Variants in CSMD1 observed in about 807,000 individuals in gnomAD.
CSMD1 encodes the protein CUB and Sushi multiple domains 1.
CSMD1 carries 213 observed loss-of-function variants against 417.5 expected under a neutral mutation model. The ratio of observed to expected loss-of-function variants is 0.51; its 90% confidence interval spans 0.46 to 0.57. The LOEUF is 0.57. Among genes scored for constraint, CSMD1 ranks in the 20% least tolerant of loss-of-function variants. The pLI is 0.00. For synonymous variants in CSMD1, 2,862 were observed against 1,736.8 expected (o/e 1.65, Z -16.11); for missense variants, 6,923 against 4,529.7 (o/e 1.53, Z -15.17).
chr8:4,248,146 T>C lies in CSMD1; in HGVS notation c.415+171807A>G, dbSNP rs75147519. Among the ~76,000 whole-genome samples the C allele has an allele frequency of 7.6e-3, 1,152 of 152,258 alleles. 11 individuals are homozygous for C. Among genetic ancestry groups the C allele is most frequent in the African/African-American group, 0.025 (1,055 of 41,540 alleles). Reference sequence around the variant, plus strand: ...TTTAAACAAATGGGCTATTTTGTAATTAGAAGAAAAAAATTGCTTTGAAAC... The same window carrying C: ...TTTAAACAAATGGGCTATTTTGTAACTAGAAGAAAAAAATTGCTTTGAAAC... On this transcript the variant is annotated intron_variant, in intron 3 of 69. Coordinates refer to ENST00000635120, the MANE Select transcript of CSMD1 (RefSeq NM_033225.6).
intron 26 of CSMD1, among the ~76,000 whole-genome samples, chr8:3,273,917 C>T (rs980984473): frequency 6.6e-6 from 1 of 151,982 alleles, no homozygotes; most frequent in East Asian, 1.9e-4. Context: ...TTTTTTGTGT[C>T]TCTATTTCCT....
chr8:4,780,270 T>C (rs1585086762), intron 1 of CSMD1, among the ~76,000 whole-genome samples: 1 of 152,216 alleles, frequency 6.6e-6, no homozygotes, highest in East Asian at 1.9e-4. Context: ...TGGCATGCTT[T>C]CTGAGCCCAG....
intron 5 of CSMD1, among the ~76,000 whole-genome samples, chr8:3,951,692 T>A (rs960842395): frequency 6.6e-6 from 1 of 152,166 alleles, no homozygotes; most frequent in Non-Finnish European, 1.5e-5. Flanking sequence ...GATATTTAGT[T>A]CTAATTTAAA....
At chr8:4,797,271 T>C (rs1798032248) in intron 1 of CSMD1, among the ~76,000 whole-genome samples, 1 of 152,184 alleles carries the variant, frequency 6.6e-6, no homozygotes, top group Non-Finnish European at 1.5e-5. Context: ...TTTTAACTGT[T>C]TTGAAAACTA....
chr8:4,570,427 T>C (rs1798829196), intron 2 of CSMD1, among the ~76,000 whole-genome samples: 1 of 152,236 alleles, frequency 6.6e-6, no homozygotes, highest in Non-Finnish European at 1.5e-5. Flanking sequence ...GTTTATGTGA[T>C]GGATTACGCC....
intron 3 of CSMD1, among the ~76,000 whole-genome samples, chr8:4,090,454 T>C (rs1800658088): frequency 6.6e-6 from 1 of 152,088 alleles, no homozygotes; most frequent in Admixed American, 6.5e-5. Context: ...AGAAAATACA[T>C]GGGAAGGTTT....
intron 3 of CSMD1, among the ~76,000 whole-genome samples, chr8:4,148,278 A>G (rs1490792236): frequency 6.7e-6 from 1 of 150,224 alleles, no homozygotes; most frequent in Non-Finnish European, 1.5e-5. Context: ...ACAAAAAACC[A>G]AACACCACAT....
At chr8:4,666,277 C>G (rs1022539966) in intron 1 of CSMD1, among the ~76,000 whole-genome samples, 2 of 152,150 alleles carry the variant, frequency 1.3e-5, no homozygotes, top group African/African-American at 4.8e-5. Context: ...TGCTAATAAG[C>G]TAACCTTAGA....
chr8:3,223,648 C>G (rs1798334155), intron 28 of CSMD1, 81 bp downstream of exon 28: 1 of 1,424,170 alleles, frequency 7.0e-7, no homozygotes, highest in Non-Finnish European at 9.8e-7. Context: ...ACATTAGAGA[C>G]TATGAGGTCA....
intron 5 of CSMD1, among the ~76,000 whole-genome samples, chr8:3,941,321 T>A (rs866046531): frequency 1.3e-5 from 2 of 152,158 alleles, no homozygotes; most frequent in African/African-American, 4.8e-5. Context: ...AAACATCCTA[T>A]GCCATTTACA....
At chr8:3,310,549 G>A (rs1004659759) in intron 23 of CSMD1, among the ~76,000 whole-genome samples, 3 of 152,162 alleles carry the variant, frequency 2.0e-5, no homozygotes, top group Admixed American at 6.5e-5. Context: ...CATTAGGTAT[G>A]CTGCTTATCC....
intron 3 of CSMD1, among the ~76,000 whole-genome samples, chr8:4,226,382 C>T (rs975891243): frequency 6.6e-6 from 1 of 152,280 alleles, no homozygotes; most frequent in East Asian, 1.9e-4. Context: ...TATACAATTA[C>T]AACCCTCTCT....
chr8:4,846,108 A>T (rs1310972577), intron 1 of CSMD1, among the ~76,000 whole-genome samples: 1 of 152,192 alleles, frequency 6.6e-6, no homozygotes, highest in African/African-American at 2.4e-5. Context: ...TAGAACTTCC[A>T]CGTGGCCATT....
At chr8:4,963,811 G>C (rs1333596129) in intron 1 of CSMD1, among the ~76,000 whole-genome samples, 1 of 152,058 alleles carries the variant, frequency 6.6e-6, no homozygotes, top group African/African-American at 2.4e-5. Flanking sequence ...TAGAATTATT[G>C]AAATTTTCAC....
chr8:3,075,767 C>T (rs893482101), intron 49 of CSMD1, among the ~76,000 whole-genome samples: 12 of 151,016 alleles, frequency 7.9e-5, no homozygotes, highest in South Asian at 2.1e-4. Context: ...ATTGGCTGGG[C>T]GCGGTGGCTC....
chr8:3,703,951 C>T (rs2624061), intron 7 of CSMD1, among the ~76,000 whole-genome samples: 1 of 151,984 alleles, frequency 6.6e-6, no homozygotes, highest in South Asian at 2.1e-4. Context: ...CACACCTGTA[C>T]TCCCTGCTAT....
At chr8:4,569,967 G>C (rs1187450400) in intron 2 of CSMD1, among the ~76,000 whole-genome samples, 2 of 152,180 alleles carry the variant, frequency 1.3e-5, no homozygotes, top group African/African-American at 2.4e-5. Context: ...AGGAATGCTT[G>C]TGATTTTTGC....
chr8:3,295,601 G>A (rs987290834), intron 25 of CSMD1, among the ~76,000 whole-genome samples: 1 of 152,156 alleles, frequency 6.6e-6, no homozygotes, highest in African/African-American at 2.4e-5. Flanking sequence ...CCACTGTACT[G>A]ATGCAAGGAT....
At chr8:3,500,089 G>T (rs1164926738) in intron 10 of CSMD1, among the ~76,000 whole-genome samples, 2 of 152,018 alleles carry the variant, frequency 1.3e-5, no homozygotes, top group African/African-American at 4.8e-5. Flanking sequence ...CCTACAATCG[G>T]GAGTCCTTTT....
Sources: gnomAD v4.1 joint callset for allele counts (sites outside exome capture counted in the v4.1 genomes callset) on GRCh38, gnomAD v4.1.1 for gene constraint, MANE v1.5 for transcripts, NCBI Gene and HGNC (gene_info 2026-07-23, HGNC 2026-07-21) for gene names.